The following ZNF431 variants were observed in gnomAD, a reference collection of about 807,000 sequenced individuals.
The protein encoded by ZNF431 is zinc finger protein 431.
In ZNF431, 34 loss-of-function variants were observed where a neutral mutation model predicts 57.0. That is an observed-to-expected ratio of 0.60 (90% CI 0.45 to 0.79). ZNF431 has a LOEUF of 0.79. ZNF431 is among the 30% of genes least tolerant of loss of function. The pLI, the probability that ZNF431 is intolerant of heterozygous loss-of-function variation, is 0.00. For missense variants in ZNF431, 607 were observed against 667.1 expected (o/e 0.91, Z 0.99); for synonymous variants, 207 against 220.3 (o/e 0.94, Z 0.54).
At chr19:21,176,678 G>A (rs1234976808) in intron 4 of ZNF431, among the ~76,000 whole-genome samples, 2 of 151,982 alleles carry the variant, frequency 1.3e-5, no homozygotes, top group Non-Finnish European at 2.9e-5. Flanking sequence ...TGTTCACTCT[G>A]ATGATAATTT....
intron 4 of ZNF431, among the ~76,000 whole-genome samples, chr19:21,177,302 GT>G (rs922667209): frequency 1.3e-5 from 2 of 152,140 alleles, no homozygotes; most frequent in Non-Finnish European, 1.5e-5. Context: ...TCCATTGCTT[GT>G]TTTTGTCAGG....
At chr19:21,144,470 C>T (rs1970028391) in intron 2 of ZNF431, among the ~76,000 whole-genome samples, 1 of 151,996 alleles carries the variant, frequency 6.6e-6, no homozygotes, top group South Asian at 2.1e-4. Flanking sequence ...TCCTAAAGTG[C>T]TGGGATTGCA....
At chr19:21,158,328 G>A (rs971897959) in intron 2 of ZNF431, among the ~76,000 whole-genome samples, 2 of 152,090 alleles carry the variant, frequency 1.3e-5, no homozygotes, top group Non-Finnish European at 2.9e-5. Context: ...TTCCCAAGTA[G>A]CTGGGATTAC....
chr19:21,170,009 T>A (rs1396843552), intron 4 of ZNF431: 1 of 395,034 alleles, frequency 2.5e-6, no homozygotes, highest in East Asian at 3.6e-5. Flanking sequence ...CAGAATTCTC[T>A]GTTGGACCAA....
intron 4 of ZNF431, among the ~76,000 whole-genome samples, chr19:21,180,508 G>A (rs1034690677): frequency 6.6e-6 from 1 of 151,302 alleles, no homozygotes; most frequent in African/African-American, 2.4e-5. Context: ...CTCTTTTTCT[G>A]TCTTTGTGTC....
chr19:21,181,578 T>A (rs1443012912), intron 4 of ZNF431, among the ~76,000 whole-genome samples: 1 of 152,150 alleles, frequency 6.6e-6, no homozygotes, highest in Non-Finnish European at 1.5e-5. Flanking sequence ...TTTATGTGTA[T>A]CCTAGTGTAT....
intron 2 of ZNF431, among the ~76,000 whole-genome samples, chr19:21,152,276 G>A (rs892911256): frequency 1.1e-4 from 16 of 152,216 alleles, no homozygotes; most frequent in Admixed American, 2.6e-4. Flanking sequence ...GGCAGGGTAG[G>A]AAGGCAAAGA....
chr19:21,176,265 A>T (rs1599611846), intron 4 of ZNF431, among the ~76,000 whole-genome samples: 3 of 117,036 alleles, frequency 2.6e-5, no homozygotes, highest in Non-Finnish European at 5.2e-5. Flanking sequence ...TTTGAGACTG[A>T]GTTTTGCTCT....
Position 21,156,953 on chromosome 19 carries a change from A to G in ZNF431, c.97-9382A>G, listed in dbSNP as rs887264884. Among the ~76,000 whole-genome samples, 7 of 151,848 alleles carry G rather than the reference A, an allele frequency of 4.6e-5. No individual in the cohort carries two copies. In the South Asian group the frequency reaches 6.2e-4, roughly 14 times the overall value. On this transcript the variant is annotated intron_variant, in intron 2 of 4. Coordinates refer to ENST00000311048, the MANE Select transcript of ZNF431 (RefSeq NM_133473.4). ...CCATGCCCAGCTAACTTCTTTTTCTATCTTTTGTAGAGATGAGTTTTGCCA... is the reference window on the plus strand; with the variant it reads ...CCATGCCCAGCTAACTTCTTTTTCTGTCTTTTGTAGAGATGAGTTTTGCCA...
At position 21,191,176 on chromosome 19, in the gene ZNF431, C is replaced by G. The variant is rs1375337817; in HGVS notation, c.*7142C>G. On this transcript the variant is annotated 3_prime_UTR_variant, in exon 5 of 5. Coordinates refer to ENST00000311048, the MANE Select transcript of ZNF431 (RefSeq NM_133473.4). ...TAGGTTAAATCAAAAAACTTGCGGC[C>G]AGGCGCAGTGGCTCACACCTGTAAT... The G allele has an allele frequency of 6.6e-6, 1 of 152,000 alleles. No individual in the cohort carries two copies. The highest frequency in any genetic ancestry group is 1.5e-5 in the Non-Finnish European group (1 of 68,036). 9.4% of individuals were successfully genotyped at this position (152,000 alleles called of 1,614,324 possible).
At chr19:21,172,995 A>G (rs540939823) in intron 4 of ZNF431, among the ~76,000 whole-genome samples, 5 of 152,338 alleles carry the variant, frequency 3.3e-5, no homozygotes, top group Non-Finnish European at 7.3e-5. Flanking sequence ...GCTATCTCAT[A>G]TAAGTAGAAT....
rs1413661773 is a variant in ZNF431, at chr19:21,167,657, G to A, written c.310G>A (p.Glu104Lys). ...WNMKRHEMVD[E>K]PPAMCSYFTK... ...TATGAAGAGACATGAGATGGTGGAT[G>A]AACCCCCAGGTAGGTGAGAGTGAAA... The change falls in exon 4 of 5, where the codon GAA becomes AAA. Residue 104 changes from glutamate (E) to lysine (K), a missense_variant. Coordinates refer to ENST00000311048, the MANE Select transcript of ZNF431 (RefSeq NM_133473.4). 1 of 1,570,334 alleles carries A rather than the reference G, an allele frequency of 6.4e-7. No homozygotes were observed. The highest frequency in any genetic ancestry group is 1.2e-5 in the South Asian group (1 of 86,748).
intron 4 of ZNF431, among the ~76,000 whole-genome samples, chr19:21,174,163 C>T (rs1444729481): frequency 6.6e-6 from 1 of 152,146 alleles, no homozygotes; most frequent in African/African-American, 2.4e-5. Flanking sequence ...GATGCTGTTA[C>T]ATCCTTCTTG....
At chr19:21,176,848 C>T (rs1438322965) in intron 4 of ZNF431, among the ~76,000 whole-genome samples, 1 of 152,062 alleles carries the variant, frequency 6.6e-6, no homozygotes, top group Non-Finnish European at 1.5e-5. Flanking sequence ...AGGCGCCTGC[C>T]ACCATGCCCG....
chr19:21,172,124 T>C (rs1299348595), intron 4 of ZNF431, among the ~76,000 whole-genome samples: 3 of 43,928 alleles, frequency 6.8e-5, no homozygotes, highest in African/African-American at 1.0e-4. Flanking sequence ...TTTAGAAAAA[T>C]TAATTGTTGT....
Position 21,183,307 on chromosome 19 carries a change from A to T in ZNF431, c.1004A>T (p.Lys335Met), listed in dbSNP as rs555384953. ...FNQSSTLSTH[K>M]FIHAGEKPYK... The stretch of plus-strand genomic sequence containing the variant: ...CAGTCTTCAACCCTTAGTACACATA[A>T]GTTCATTCATGCTGGAGAGAAACCC... The change falls in exon 5 of 5, where the codon AAG (lysine) becomes ATG (methionine). Residue 335 changes from lysine (K) to methionine (M), a missense_variant. Lys to Met is a moderately conservative substitution (Grantham distance 95). Transcript: ENST00000311048. The T allele has an allele frequency of 6.2e-7, 1 of 1,614,002 alleles. No homozygotes were observed. Among genetic ancestry groups the T allele is most frequent in the South Asian group, 1.1e-5 (1 of 91,082 alleles).
rs1284896925 is a variant in ZNF431, at chr19:21,192,542, T to C, written c.*8508T>C. On this transcript the variant is annotated 3_prime_UTR_variant, in exon 5 of 5. Transcript: ENST00000311048. ...ATTATGTATAGGGATAAAAGAAAAT[T>C]ATACAGGAATAATTCCTTTTCCTCA... 6.6e-6 allele frequency: 1 copy of C among 152,070 alleles called. No individual in the cohort carries two copies. The highest frequency in any genetic ancestry group is 1.5e-5 in the Non-Finnish European group (1 of 68,028). 9.4% of individuals were successfully genotyped at this position (152,070 alleles called of 1,614,324 possible). A position where few individuals can be genotyped will look rare whatever the true frequency, so the allele number is the denominator to read the frequency against.
At chr19:21,160,679 G>A (rs1970545027) in intron 2 of ZNF431, among the ~76,000 whole-genome samples, 1 of 152,166 alleles carries the variant, frequency 6.6e-6, no homozygotes, top group Non-Finnish European at 1.5e-5. Flanking sequence ...GTGTCAGGCT[G>A]ACAAGAGTGA....
intron 2 of ZNF431, among the ~76,000 whole-genome samples, chr19:21,157,556 CAG>C (rs770317198): frequency 6.6e-6 from 1 of 151,252 alleles, no homozygotes. Flanking sequence ...TTTTTTTAGA[CAG>C]AGTCTTGCTC....
Sources: gnomAD v4.1 joint callset for allele counts (sites outside exome capture counted in the v4.1 genomes callset) on GRCh38, gnomAD v4.1.1 for gene constraint, MANE v1.5 for transcripts, NCBI Gene and HGNC (gene_info 2026-07-23, HGNC 2026-07-21) for gene names.